Variants in GLI2 observed in about 807,000 individuals in gnomAD.
GLI2 encodes the protein GLI family zinc finger 2, also known as transcription activator GLI2.
Under a neutral mutation model 78.9 loss-of-function variants are expected in GLI2, and 22 were observed. That is an observed-to-expected ratio of 0.28 (90% CI 0.20 to 0.40). The LOEUF is 0.40. Among genes scored for constraint, GLI2 ranks in the 10% least tolerant of loss-of-function variants. The pLI is 1.00. For synonymous variants in GLI2, 974 were observed against 963.7 expected, an observed-to-expected ratio of 1.01 and a Z score of -0.20; for missense variants, 2,097 against 2,213.2, an observed-to-expected ratio of 0.95 and a Z score of 1.05.
At chr2:120,829,977 G>GTA (rs760807992) in intron 2 of GLI2, among the ~76,000 whole-genome samples, 4 of 152,328 alleles carry the variant, frequency 2.6e-5, no homozygotes, top group Non-Finnish European at 4.4e-5. Context: ...GTGTGTGTGT[G>GTA]TATATATGTG....
chr2:120,900,511 T>G (rs1678199277), intron 2 of GLI2, among the ~76,000 whole-genome samples: 1 of 152,214 alleles, frequency 6.6e-6, no homozygotes, highest in Non-Finnish European at 1.5e-5. Context: ...TTACCTAGCT[T>G]GGTGACCCTG....
chr2:120,853,162 G>T (rs537019110), intron 2 of GLI2, among the ~76,000 whole-genome samples: 1 of 152,182 alleles, frequency 6.6e-6, no homozygotes, highest in Admixed American at 6.5e-5. Flanking sequence ...GGGGCTGGAG[G>T]GGGGTAGGTC....
intron 2 of GLI2, among the ~76,000 whole-genome samples, chr2:120,901,083 A>G (rs1476226652): frequency 2.0e-5 from 3 of 152,122 alleles, no homozygotes; most frequent in African/African-American, 7.2e-5. Context: ...TTAAATGTGT[A>G]TTTTCTTTCA....
At chr2:120,915,681 G>A (rs1440553849) in intron 2 of GLI2, among the ~76,000 whole-genome samples, 1 of 152,162 alleles carries the variant, frequency 6.6e-6, no homozygotes, top group Non-Finnish European at 1.5e-5. Context: ...TGGCTGAAGG[G>A]CTGGCCTTTG....
chr2:120,948,415 T>A (rs1427369075), intron 3 of GLI2, among the ~76,000 whole-genome samples: 1 of 152,130 alleles, frequency 6.6e-6, no homozygotes, highest in African/African-American at 2.4e-5. Flanking sequence ...CCCTTGGTGA[T>A]GCTTGCGGTG....
chr2:120,810,859 C>T (rs1043540431), intron 2 of GLI2, among the ~76,000 whole-genome samples: 7 of 152,308 alleles, frequency 4.6e-5, no homozygotes, highest in African/African-American at 9.6e-5. Flanking sequence ...TCCGTGATCT[C>T]GATTGGCTTT....
chr2:120,787,462 TG>T (rs1684029303), intron 1 of GLI2, among the ~76,000 whole-genome samples: 1 of 152,124 alleles, frequency 6.6e-6, no homozygotes, highest in Non-Finnish European at 1.5e-5. Context: ...GGCCTTGGCA[TG>T]GGTCTGGGTG....
chr2:120,957,685 G>A (rs566421368), intron 5 of GLI2, among the ~76,000 whole-genome samples: 1 of 152,204 alleles, frequency 6.6e-6, no homozygotes, highest in African/African-American at 2.4e-5. Context: ...CCAGGCAGCC[G>A]GGAGTCATCC....
intron 1 of GLI2, among the ~76,000 whole-genome samples, chr2:120,763,746 G>A (rs1028696627): frequency 3.3e-5 from 5 of 152,260 alleles, no homozygotes; most frequent in Admixed American, 1.3e-4. Context: ...AAGCATTGCC[G>A]GGTTCTCAGG....
intron 1 of GLI2, among the ~76,000 whole-genome samples, chr2:120,757,242 A>G (rs1404106329): frequency 7.5e-6 from 1 of 134,098 alleles, no homozygotes; most frequent in Non-Finnish European, 1.6e-5. Flanking sequence ...TTTTTTTGGC[A>G]TGTCTGGTAA....
intron 3 of GLI2, among the ~76,000 whole-genome samples, chr2:120,949,149 G>T (rs1269014826): frequency 6.6e-6 from 1 of 152,186 alleles, no homozygotes; most frequent in East Asian, 1.9e-4. Context: ...GTCCAGGGGT[G>T]CATTAGTCTG....
chr2:120,837,086 A>C (rs796097047), intron 2 of GLI2, among the ~76,000 whole-genome samples: 26 of 152,274 alleles, frequency 1.7e-4, no homozygotes, highest in African/African-American at 5.8e-4. Flanking sequence ...CTTTTAAGAG[A>C]TACTAATCTT....
chr2:120,834,099 G>A (rs971977776), intron 2 of GLI2, among the ~76,000 whole-genome samples: 1 of 152,176 alleles, frequency 6.6e-6, no homozygotes, highest in Non-Finnish European at 1.5e-5. Flanking sequence ...TCTGCACAAT[G>A]TACAAAAATG....
At chr2:120,898,158 A>G (rs1678069867) in intron 2 of GLI2, among the ~76,000 whole-genome samples, 1 of 148,040 alleles carries the variant, frequency 6.8e-6, no homozygotes, top group Non-Finnish European at 1.5e-5. Context: ...CAATGGCATA[A>G]GGCACTGATA....
At chr2:120,753,318 AC>A (rs1682935151) in intron 1 of GLI2, among the ~76,000 whole-genome samples, 2 of 151,590 alleles carry the variant, frequency 1.3e-5, no homozygotes, top group Non-Finnish European at 2.9e-5. Context: ...CTAGTTTCAA[AC>A]TCGTGACTTC....
intron 2 of GLI2, among the ~76,000 whole-genome samples, chr2:120,815,012 C>T (rs770463601): frequency 1.3e-4 from 20 of 152,100 alleles, no homozygotes; most frequent in Non-Finnish European, 2.5e-4. Flanking sequence ...CCAGCGTCCA[C>T]GGGCCTGAGA....
chr2:120,903,279 C>T (rs887760636), intron 2 of GLI2, among the ~76,000 whole-genome samples: 1 of 152,008 alleles, frequency 6.6e-6, no homozygotes, highest in Admixed American at 6.5e-5. Flanking sequence ...TTGCTTGAAC[C>T]CAGGAGGCGA....
In GLI2 at chr2:120,989,110, G is replaced by C. The variant is rs764193976; in HGVS notation, c.3145G>C (p.Val1049Leu). The C allele has an allele frequency of 3.7e-6, 6 of 1,612,696 alleles. No individual in the cohort carries two copies. The highest frequency in any genetic ancestry group is 5.1e-6 in the Non-Finnish European group (6 of 1,179,948). Residue 1049 changes from valine to leucine, a missense_variant, in exon 14 of 14, where the codon GTG becomes CTG. Coordinates refer to ENST00000361492, the MANE Select transcript of GLI2 (RefSeq NM_001374353.1). ...GGACGACCTGGTGCTTCCAGACGACGTGGTGCAGTACATCAAGGCGCACGC... is the reference window on the plus strand; with the variant it reads ...GGACGACCTGGTGCTTCCAGACGACCTGGTGCAGTACATCAAGGCGCACGC... ...PEDDLVLPDDVVQYIKAHASG... is the reference protein window; with the variant it reads ...PEDDLVLPDDLVQYIKAHASG...
intron 2 of GLI2, among the ~76,000 whole-genome samples, chr2:120,876,816 TC>T (rs1282823315): frequency 6.6e-6 from 1 of 152,188 alleles, no homozygotes; most frequent in Non-Finnish European, 1.5e-5. Flanking sequence ...GGAGGCTCAT[TC>T]TGAAAAGGCA....
Sources: allele counts gnomAD v4.1 joint callset (sites outside exome capture counted in the v4.1 genomes callset), GRCh38; gene constraint gnomAD v4.1.1; transcripts MANE v1.5; gene names NCBI Gene and HGNC (gene_info 2026-07-23, HGNC 2026-07-21).